The following WDFY2 variants were observed in gnomAD, a reference collection of about 807,000 sequenced individuals.
The protein encoded by WDFY2 is WD repeat and FYVE domain containing 2, also known as WD repeat and FYVE domain-containing protein 2.
Under a neutral mutation model 56.4 loss-of-function variants are expected in WDFY2, and 36 were observed. That is an observed-to-expected ratio of 0.64 (90% CI 0.49 to 0.84). WDFY2 has a LOEUF of 0.84. Among genes scored for constraint, WDFY2 ranks in the 40% least tolerant of loss-of-function variants. The probability of loss-of-function intolerance (pLI) is 0.00; values close to 1 mark genes in which losing one functional copy is unlikely to be tolerated. For missense variants in WDFY2, 444 were observed against 512.2 expected (o/e 0.87, Z 1.29); for synonymous variants, 176 against 183.7 (o/e 0.96, Z 0.34).
At chr13:51,602,616 G>C (rs1954308500) in intron 1 of WDFY2, among the ~76,000 whole-genome samples, 1 of 152,128 alleles carries the variant, frequency 6.6e-6, no homozygotes. Flanking sequence ...ATGACTCTTT[G>C]ACCTTCAGCT....
intron 1 of WDFY2, among the ~76,000 whole-genome samples, chr13:51,653,580 G>A (rs1265388979): frequency 6.6e-6 from 1 of 152,132 alleles, no homozygotes; most frequent in Non-Finnish European, 1.5e-5. Flanking sequence ...ATGGGGTTTT[G>A]GTGTGCATGT....
intron 3 of WDFY2, among the ~76,000 whole-genome samples, chr13:51,702,828 C>G (rs867712535): frequency 6.6e-6 from 1 of 152,132 alleles, no homozygotes; most frequent in Non-Finnish European, 1.5e-5. Context: ...ATAATATACT[C>G]TTAAAGAATA....
intron 4 of WDFY2, among the ~76,000 whole-genome samples, chr13:51,707,584 A>T (rs1952110904): frequency 6.6e-6 from 1 of 152,236 alleles, no homozygotes; most frequent in Non-Finnish European, 1.5e-5. Context: ...AGAATTCATC[A>T]TTCATAGACC....
chr13:51,646,099 T>A (rs927494554), intron 1 of WDFY2, among the ~76,000 whole-genome samples: 2 of 152,204 alleles, frequency 1.3e-5, no homozygotes, highest in African/African-American at 4.8e-5. Context: ...TTTTACTTGG[T>A]TTGCTGCCTA....
intron 4 of WDFY2, among the ~76,000 whole-genome samples, chr13:51,704,460 C>T (rs1198800718): frequency 3.3e-5 from 5 of 152,162 alleles, no homozygotes; most frequent in Admixed American, 6.5e-5. Context: ...GGAGAGGATA[C>T]GGATGGTAAG....
At chr13:51,633,488 A>G (rs1351190493) in intron 1 of WDFY2, among the ~76,000 whole-genome samples, 1 of 152,194 alleles carries the variant, frequency 6.6e-6, no homozygotes, top group African/African-American at 2.4e-5. Flanking sequence ...GATCTAAATA[A>G]TTGATGAATG....
At chr13:51,670,544 T>C (rs1397737951) in intron 2 of WDFY2, among the ~76,000 whole-genome samples, 3 of 150,184 alleles carry the variant, frequency 2.0e-5, no homozygotes, top group Non-Finnish European at 3.0e-5. Flanking sequence ...CACAGATGTT[T>C]GCCTGGTGTT....
intron 1 of WDFY2, among the ~76,000 whole-genome samples, chr13:51,634,757 A>G (rs1955014197): frequency 6.6e-6 from 1 of 151,996 alleles, no homozygotes; most frequent in African/African-American, 2.4e-5. Context: ...CCAGGAAAGA[A>G]CTATAGTAGA....
intron 3 of WDFY2, among the ~76,000 whole-genome samples, chr13:51,684,293 CT>C (rs1237870867): frequency 1.3e-5 from 2 of 151,538 alleles, no homozygotes; most frequent in Non-Finnish European, 2.9e-5. Flanking sequence ...AGAGCTATTG[CT>C]ACGGGTAGAA....
chr13:51,715,887 C>T (rs985463490), intron 4 of WDFY2, among the ~76,000 whole-genome samples: 1 of 152,062 alleles, frequency 6.6e-6, no homozygotes, highest in Non-Finnish European at 1.5e-5. Context: ...ACTGAAGCAT[C>T]GTTATGTGGA....
intron 7 of WDFY2, among the ~76,000 whole-genome samples, chr13:51,749,132 C>G (rs1179628688): frequency 3.9e-5 from 6 of 152,048 alleles, no homozygotes; most frequent in African/African-American, 1.4e-4. Flanking sequence ...TGGAAAATAT[C>G]TTTTTTTACA....
intron 1 of WDFY2, among the ~76,000 whole-genome samples, chr13:51,631,816 A>G (rs111783536): frequency 0.097 from 14,839 of 152,248 alleles, 998 homozygotes; most frequent in Admixed American, 0.2. Context: ...GGCGTGAGCC[A>G]CTGTGGCCAG....
At chr13:51,609,875 T>C (rs1954463177) in intron 1 of WDFY2, among the ~76,000 whole-genome samples, 1 of 152,162 alleles carries the variant, frequency 6.6e-6, no homozygotes, top group Non-Finnish European at 1.5e-5. Context: ...AGATCTGATT[T>C]AGAGCAGCCT....
At chr13:51,616,727 TAAGGAGGCTGGA>T (rs146175534) in intron 1 of WDFY2, among the ~76,000 whole-genome samples, 1 of 152,330 alleles carries the variant, frequency 6.6e-6, no homozygotes, top group East Asian at 1.9e-4. Flanking sequence ...TGGCTAAATT[TAAGGAGGCTGGA>T]AAGTGCTATC....
chr13:51,586,283 G>T, intron 1 of WDFY2: 1 of 381,078 alleles, frequency 2.6e-6, no homozygotes. Context: ...ATTGGTAGAT[G>T]TCACTTTCCC....
chr13:51,600,898 G>C (rs1954264092), intron 1 of WDFY2, among the ~76,000 whole-genome samples: 1 of 152,164 alleles, frequency 6.6e-6, no homozygotes, highest in South Asian at 2.1e-4. Flanking sequence ...TATTTTCCGT[G>C]AAGTCTGCTC....
intron 7 of WDFY2, among the ~76,000 whole-genome samples, chr13:51,740,254 T>C (rs539034625): frequency 1.1e-4 from 16 of 152,264 alleles, no homozygotes; most frequent in Non-Finnish European, 2.4e-4. Flanking sequence ...TTCTTTCTCA[T>C]GTTGGAGAAC....
At chr13:51,742,567 C>T (rs772735741) in intron 7 of WDFY2, among the ~76,000 whole-genome samples, 9 of 152,162 alleles carry the variant, frequency 5.9e-5, no homozygotes, top group Admixed American at 3.3e-4. Flanking sequence ...TAGCTAATAA[C>T]GGTACTTGGT....
intron 1 of WDFY2, among the ~76,000 whole-genome samples, chr13:51,601,617 C>T (rs1398223577): frequency 1.3e-5 from 2 of 152,046 alleles, no homozygotes; most frequent in African/African-American, 4.8e-5. Flanking sequence ...GGTTTTACCA[C>T]GTAGGCCAGG....
Sources: gnomAD v4.1 joint callset for allele counts (sites outside exome capture counted in the v4.1 genomes callset) on GRCh38, gnomAD v4.1.1 for gene constraint, MANE v1.5 for transcripts, NCBI Gene and HGNC (gene_info 2026-07-23, HGNC 2026-07-21) for gene names.